Variants in NRXN1 observed in about 807,000 individuals in gnomAD.
The protein encoded by NRXN1 is neurexin 1.
Under a neutral mutation model 150.9 loss-of-function variants are expected in NRXN1, and 39 were observed. The observed-to-expected ratio is 0.26, with a 90% CI of 0.20 to 0.34. The LOEUF (loss-of-function observed/expected upper bound fraction) is 0.34. NRXN1 is among the 10% of genes least tolerant of loss of function. NRXN1 has a pLI of 1.00. For missense variants in NRXN1, 1,815 were observed against 1,949.9 expected (o/e 0.93, Z 1.30); for synonymous variants, 924 against 757.0 (o/e 1.22, Z -3.62).
chr2:50,118,953 C>T (rs1056574910), intron 18 of NRXN1, among the ~76,000 whole-genome samples: 3 of 150,616 alleles, frequency 2.0e-5, no homozygotes, highest in African/African-American at 7.3e-5. Flanking sequence ...TCTCAAAAGG[C>T]ACAATACCTG....
intron 17 of NRXN1, among the ~76,000 whole-genome samples, chr2:50,279,919 G>A (rs1177903330): frequency 2.0e-5 from 3 of 152,146 alleles, no homozygotes; most frequent in African/African-American, 7.2e-5. Flanking sequence ...AATTTTAAAT[G>A]TGAATTTGTC....
At chr2:50,466,714 T>C (rs972674187) in intron 16 of NRXN1, among the ~76,000 whole-genome samples, 1 of 151,714 alleles carries the variant, frequency 6.6e-6, no homozygotes, top group Non-Finnish European at 1.5e-5. Context: ...CATATGTATA[T>C]ATATAATGGT....
intron 5 of NRXN1, among the ~76,000 whole-genome samples, chr2:50,759,440 G>C (rs1701537427): frequency 6.6e-6 from 1 of 151,812 alleles, no homozygotes. Flanking sequence ...AAGGAATCGG[G>C]CACTAATTCT....
chr2:49,962,376 T>C (rs537926134), intron 21 of NRXN1, among the ~76,000 whole-genome samples: 6 of 152,340 alleles, frequency 3.9e-5, no homozygotes, highest in African/African-American at 1.4e-4. Context: ...AAATTGAGAA[T>C]TGTAATGACT....
intron 18 of NRXN1, among the ~76,000 whole-genome samples, chr2:50,221,803 A>G (rs182002724): frequency 2.0e-5 from 3 of 152,102 alleles, no homozygotes; most frequent in African/African-American, 7.2e-5. Context: ...TACTCCCTTG[A>G]TATAATCCAC....
intron 17 of NRXN1, among the ~76,000 whole-genome samples, chr2:50,456,833 T>C (rs537602125): frequency 6.6e-6 from 1 of 152,254 alleles, no homozygotes; most frequent in East Asian, 1.9e-4. Context: ...GCCACACTAA[T>C]AACCTCCGAC....
chr2:50,079,761 A>T (rs909015876), intron 19 of NRXN1, among the ~76,000 whole-genome samples: 3 of 152,122 alleles, frequency 2.0e-5, no homozygotes, highest in Non-Finnish European at 4.4e-5. Flanking sequence ...TTGAAAAATT[A>T]TCTAGTAAGA....
At chr2:50,590,950 C>A (rs1674080840) in intron 8 of NRXN1, among the ~76,000 whole-genome samples, 1 of 152,148 alleles carries the variant, frequency 6.6e-6, no homozygotes, top group Non-Finnish European at 1.5e-5. Flanking sequence ...AACTCCCTGC[C>A]CTGATTGAAA....
intron 5 of NRXN1, among the ~76,000 whole-genome samples, chr2:50,810,417 T>C (rs956237158): frequency 2.0e-5 from 3 of 152,114 alleles, no homozygotes; most frequent in African/African-American, 7.2e-5. Context: ...CCAGAGAATG[T>C]TTATTACTGA....
At chr2:50,245,731 T>C (rs1574709598) in intron 17 of NRXN1, among the ~76,000 whole-genome samples, 1 of 151,758 alleles carries the variant, frequency 6.6e-6, no homozygotes, top group East Asian at 1.9e-4. Context: ...ACTATAATTA[T>C]GGTCTAAAAA....
chr2:50,836,367 C>T (rs1333492633), intron 5 of NRXN1, among the ~76,000 whole-genome samples: 1 of 152,036 alleles, frequency 6.6e-6, no homozygotes, highest in African/African-American at 2.4e-5. Flanking sequence ...TTGAAATATA[C>T]AGTGCATTAT....
At position 50,552,754 on chromosome 2, in the gene NRXN1, T is replaced by C. The variant is rs796052769; in HGVS notation, c.1592A>G (p.Lys531Arg). The change falls in exon 9 of 23, where the codon AAG becomes AGG. Residue 531 changes from lysine (K) to arginine (R), a missense_variant. By Grantham distance (26) the Lys-to-Arg change is conservative. Transcript: ENST00000401669. The part of the protein sequence containing the change: ...HGKPRHQKDA[K>R]HPQMIKVDFF... ...GTCCACCTTTATCATCTGTGGGTGCTTGGCATCTTTCTGATGTCTTGGCTT... is the reference window on the plus strand; with the variant it reads ...GTCCACCTTTATCATCTGTGGGTGCCTGGCATCTTTCTGATGTCTTGGCTT... The C allele has an allele frequency of 2.5e-6, 4 of 1,613,992 alleles. No homozygotes were observed. The highest frequency in any genetic ancestry group is 3.4e-6 in the Non-Finnish European group (4 of 1,179,878).
At chr2:50,477,659 C>T (rs1444988149) in intron 15 of NRXN1, among the ~76,000 whole-genome samples, 2 of 152,148 alleles carry the variant, frequency 1.3e-5, no homozygotes, top group African/African-American at 4.8e-5. Flanking sequence ...TCTTAAATAT[C>T]TCACTTTCAT....
In NRXN1 at chr2:51,023,566, TAAG is replaced by T. The variant is rs1669961327; in HGVS notation, c.772+3933_772+3935del. Among the ~76,000 whole-genome samples, 4 of 152,236 alleles carry T rather than the reference TAAG, an allele frequency of 2.6e-5. No individual in the cohort carries two copies. In the South Asian group the frequency reaches 8.3e-4, roughly 31 times the overall value. ...TTTATTACGTCAGCTGACACTATTT[TAAG>T]TTTTCATAGTATCATGCACCCATCC... On this transcript the variant is annotated intron_variant, in intron 2 of 22. Coordinates refer to ENST00000401669, the MANE Select transcript of NRXN1 (RefSeq NM_001330078.2).
chr2:50,934,857 T>C (rs1207267303), intron 2 of NRXN1, among the ~76,000 whole-genome samples: 6 of 152,200 alleles, frequency 3.9e-5, no homozygotes, highest in Admixed American at 3.9e-4. Flanking sequence ...AATTTTATTG[T>C]ATTCATTTAA....
chr2:50,277,979 A>G (rs1406979313), intron 17 of NRXN1, among the ~76,000 whole-genome samples: 1 of 151,370 alleles, frequency 6.6e-6, no homozygotes, highest in Admixed American at 6.6e-5. Flanking sequence ...ATTTTATGTA[A>G]TCTACCATAT....
rs1687260314 is a variant in NRXN1, at chr2:50,019,877, G to A, written c.4128+33394C>T. On this transcript the variant is annotated intron_variant, in intron 21 of 22. Transcript: ENST00000401669. ...GCAGGAGAATGGCGAGAACCCGGGAGGCGGAGCTTGCAGTGAGCCGAGATC... is the reference window on the plus strand; with the variant it reads ...GCAGGAGAATGGCGAGAACCCGGGAAGCGGAGCTTGCAGTGAGCCGAGATC... Among the ~76,000 whole-genome samples the A allele has an allele frequency of 2.0e-5, 3 of 146,666 alleles. No homozygotes were observed. The South Asian group carries it at 6.5e-4, about 32-fold the overall frequency.
rs1029357752 is a variant in NRXN1 at position 50,287,097 on chromosome 2, A to C, written c.3365-50127T>G. Among the ~76,000 whole-genome samples the C allele has an allele frequency of 2.6e-5, 4 of 152,066 alleles. No individual in the cohort carries two copies. In the East Asian group the frequency reaches 7.7e-4, roughly 29 times the overall value. The stretch of plus-strand genomic sequence containing the variant: ...GCAAATTACTTCCCTACATGACTTA[A>C]CTGAGCTTAATATTTTTTCAACAAG... On this transcript the variant is annotated intron_variant, in intron 17 of 22. Transcript: ENST00000401669.
intron 17 of NRXN1, among the ~76,000 whole-genome samples, chr2:50,240,620 C>G (rs2065920371): frequency 6.6e-6 from 1 of 151,576 alleles, no homozygotes; most frequent in Non-Finnish European, 1.5e-5. Context: ...AGCAGAATAG[C>G]TTAGAGATTA....
Sources: allele counts gnomAD v4.1 joint callset (sites outside exome capture counted in the v4.1 genomes callset), GRCh38; gene constraint gnomAD v4.1.1; transcripts MANE v1.5; gene names NCBI Gene and HGNC (gene_info 2026-07-23, HGNC 2026-07-21).